ZNF776: variants seen among roughly 807,000 people sequenced by gnomAD.
ZNF776 encodes the protein zinc finger protein 776.
Under a neutral mutation model 7.0 loss-of-function variants are expected in ZNF776, and 4 were observed. The observed-to-expected ratio is 0.57, with a 90% CI of 0.28 to 1.31. ZNF776 has a LOEUF of 1.31. Ranked by LOEUF, ZNF776 falls within the 50% of genes most tolerant of loss-of-function variation. The probability of loss-of-function intolerance (pLI) is 0.10; values close to 1 mark genes in which losing one functional copy is unlikely to be tolerated. For synonymous variants in ZNF776, 212 were observed against 213.7 expected, an observed-to-expected ratio of 0.99 and a Z score of 0.07; for missense variants, 555 against 625.9, an observed-to-expected ratio of 0.89 and a Z score of 1.21.
In ZNF776 at chr19:57,754,033, T is replaced by G. The variant is rs1182328212; in HGVS notation, c.903T>G (p.Phe301Leu). Residue 301 changes from phenylalanine (F) to leucine (L), a missense_variant, in exon 3 of 3, where the codon TTT becomes TTG. Coordinates refer to ENST00000317178, the MANE Select transcript of ZNF776 (RefSeq NM_173632.4). ...AGTGTGGAGAATGTGATAAATCTTT[T>G]AGTCATAAGCACAGTCTTGTTGACC... ...PYECGECDKS[F>L]SHKHSLVDHQ... The G allele has an allele frequency of 6.2e-7, 1 of 1,614,076 alleles. No homozygotes were observed. The highest frequency in any genetic ancestry group is 8.5e-7 in the Non-Finnish European group (1 of 1,180,014).
chr19:57,751,015 C>T, intron 2 of ZNF776, 104 bp downstream of exon 2: 1 of 1,365,612 alleles, frequency 7.3e-7, no homozygotes, highest in South Asian at 1.5e-5. Flanking sequence ...AGCCTGGGCA[C>T]AGGTTCCTCT....
intron 1 of ZNF776, 116 bp downstream of exon 1, chr19:57,747,207 G>T (rs1986461575): frequency 1.7e-6 from 2 of 1,190,982 alleles, no homozygotes; most frequent in Non-Finnish European, 2.3e-6. Context: ...TCGGGACACT[G>T]AGGCGCTCTC....
At chr19:57,753,078 G>A (rs1376516332) in intron 2 of ZNF776, among the ~76,000 whole-genome samples, 2 of 152,186 alleles carry the variant, frequency 1.3e-5, no homozygotes, top group Admixed American at 1.3e-4. Context: ...TGATGTGAAG[G>A]AGCCAACAAT....
chr19:57,747,112 G>T, intron 1 of ZNF776, 21 bp downstream of exon 1: 1 of 1,582,188 alleles, frequency 6.3e-7, no homozygotes, highest in Non-Finnish European at 8.6e-7. Flanking sequence ...CGTCTTCCGT[G>T]CCCTCAGGTC....
intron 1 of ZNF776, 109 bp from the exon 2 acceptor site, chr19:57,750,676 G>A (rs1986574191): frequency 7.1e-7 from 1 of 1,401,478 alleles, no homozygotes; most frequent in Admixed American, 2.4e-5. Context: ...GACACCAGTG[G>A]GCCTAGTTTC....
In ZNF776 at chr19:57,754,318, A is replaced by G. The variant is rs754142070; in HGVS notation, c.1188A>G (p.Arg396=). 9.9e-6 allele frequency: 16 copies of G among 1,614,072 alleles called. 1 individual carries two copies. In the South Asian group the frequency reaches 1.8e-4, roughly 18 times the overall value. The part of the protein sequence containing the change: ...RSNSHLKEHQ[R]VHTGERPYEC... ...ACTCCCACCTAAAGGAACACCAGAG[A>G]GTTCACACTGGAGAAAGACCCTATG... Residue 396 remains arginine, a synonymous_variant, in exon 3 of 3, where the codon AGA becomes AGG. Transcript: ENST00000317178.
At chr19:57,747,359 G>A (rs1165024384) in intron 1 of ZNF776, among the ~76,000 whole-genome samples, 1 of 152,186 alleles carries the variant, frequency 6.6e-6, no homozygotes, top group Non-Finnish European at 1.5e-5. Context: ...GGAGCAAAGT[G>A]TGAGGCAGAG....
rs1453186205 is a variant in ZNF776 at position 57,757,352 on chromosome 19, G to A, written c.*2665G>A. 6.6e-6 allele frequency: 1 copy of A among 152,416 alleles called. No individual in the cohort carries two copies. The highest frequency in any genetic ancestry group is 2.4e-5 in the African/African-American group (1 of 41,416). The allele number at this position is 152,416 out of a possible 1,614,324, so 9.4% of individuals were successfully genotyped here. The stretch of plus-strand genomic sequence containing the variant: ...AAATCTAAAGGTTTTGTGGATTTCT[G>A]TAGCCTATCTGGGCTGCATACCAAA... On this transcript the variant is annotated 3_prime_UTR_variant, in exon 3 of 3. Coordinates refer to ENST00000317178, the MANE Select transcript of ZNF776 (RefSeq NM_173632.4).
rs1410789919 is a variant in ZNF776, at chr19:57,753,953, T to G, written c.823T>G (p.Tyr275Asp). 6.2e-7 allele frequency: 1 copy of G among 1,614,232 alleles called. No homozygotes were observed. Among genetic ancestry groups the G allele is most frequent in the Non-Finnish European group, 8.5e-7 (1 of 1,180,044 alleles). Residue 275 changes from tyrosine to aspartate, a missense_variant, in exon 3 of 3, where the codon TAT (tyrosine) becomes GAT (aspartate). By Grantham distance (160) the Tyr-to-Asp change is radical (BLOSUM62 -3). Coordinates refer to ENST00000317178, the MANE Select transcript of ZNF776 (RefSeq NM_173632.4). Reference sequence around the variant, plus strand: ...TGGACAATGTGATGAATCATTTTGGTATAAGGCCCACCTCACTGAACACCA... The same window carrying G: ...TGGACAATGTGATGAATCATTTTGGGATAAGGCCCACCTCACTGAACACCA... ...QCGQCDESFW[Y>D]KAHLTEHQRV...
chr19:57,753,933 A>C lies in ZNF776; in HGVS notation c.803A>C (p.Gln268Pro), dbSNP rs146089772. ...RTGKRPYQCGQCDESFWYKAH... is the reference protein window; with the variant it reads ...RTGKRPYQCGPCDESFWYKAH... ...GGAAAAAGACCTTATCAGTGTGGAC[A>C]ATGTGATGAATCATTTTGGTATAAG... Residue 268 changes from glutamine to proline, a missense_variant, in exon 3 of 3, where the codon CAA becomes CCA. Coordinates refer to ENST00000317178, the MANE Select transcript of ZNF776 (RefSeq NM_173632.4). The C allele has an allele frequency of 6.2e-7, 1 of 1,614,254 alleles. No homozygotes were observed. Among genetic ancestry groups the C allele is most frequent in the South Asian group, 1.1e-5 (1 of 91,088 alleles).
intron 2 of ZNF776, among the ~76,000 whole-genome samples, chr19:57,751,922 A>G (rs1389982195): frequency 2.6e-5 from 3 of 116,996 alleles, no homozygotes; most frequent in Admixed American, 1.3e-4. Context: ...ACCAGGCTGG[A>G]GTGCAGTGGC....
At chr19:57,747,708 C>A (rs1986478845) in intron 1 of ZNF776, among the ~76,000 whole-genome samples, 1 of 152,178 alleles carries the variant, frequency 6.6e-6, no homozygotes, top group Non-Finnish European at 1.5e-5. Flanking sequence ...GTAGCTTGTG[C>A]CTCTCCTCTC....
At position 57,756,780 on chromosome 19, in the gene ZNF776, A is replaced by T; in HGVS notation, c.*2093A>T. 2.4e-6 allele frequency: 1 copy of T among 422,026 alleles called. No individual in the cohort carries two copies. Among genetic ancestry groups the T allele is most frequent in the Non-Finnish European group, 4.7e-6 (1 of 211,290 alleles). 26.1% of individuals were successfully genotyped at this position (422,026 alleles called of 1,614,324 possible). ...TGTTCTCAAGTCCTACAGTGCATTC[A>T]TGTGTCCTGAAGTCCAGAATTCTGT... On this transcript the variant is annotated 3_prime_UTR_variant, in exon 3 of 3. Coordinates refer to ENST00000317178, the MANE Select transcript of ZNF776 (RefSeq NM_173632.4).
rs1333421784 is a variant in ZNF776 at position 57,747,229 on chromosome 19, G to T, written c.33+138G>T. On this transcript the variant is annotated intron_variant, in intron 1 of 2. Coordinates refer to ENST00000317178, the MANE Select transcript of ZNF776 (RefSeq NM_173632.4). ...ACTGAGGCGCTCTCTATGGGCCCCC[G>T]TTTTTGACACCCGCGGGATGCGCTC... 9 of 870,036 alleles carry T rather than the reference G, an allele frequency of 1.0e-5. No homozygotes were observed. In the African/African-American group the frequency reaches 1.5e-4, roughly 15 times the overall value. The allele number at this position is 870,036 out of a possible 1,614,324, so 53.9% of individuals were successfully genotyped here.
Position 57,750,850 on chromosome 19 carries a change from G to A in ZNF776, c.99G>A (p.Glu33=). The change falls in exon 2 of 3, where the codon GAG becomes GAA. Residue 33 remains glutamate (E), a synonymous_variant. Transcript: ENST00000317178. ...AGGAGGAATGGAGTCTCCTTAGTGA[G>A]GCTCAGAGATGCCTTTATCATGACG... ...FSQEEWSLLS[E]AQRCLYHDVM... 2 of 1,613,364 alleles carry A rather than the reference G, an allele frequency of 1.2e-6. No homozygotes were observed. Among genetic ancestry groups the A allele is most frequent in the Non-Finnish European group, 1.7e-6 (2 of 1,179,546 alleles).
rs140159780 is a variant in ZNF776 at position 57,748,983 on chromosome 19, C to T, written c.34-1802C>T. Among the ~76,000 whole-genome samples the T allele has an allele frequency of 3.1e-3, 473 of 150,320 alleles. 6 individuals are homozygous for T. The highest frequency in any genetic ancestry group is 4.8e-3 in the South Asian group (23 of 4,766). On this transcript the variant is annotated intron_variant, in intron 1 of 2. Transcript: ENST00000317178. ...AACAGGACTTTTTTTTTTTTTGAGA[C>T]GGTGTCTCACTCTGTCGCCCAGGCT...
At chr19:57,748,452 A>G (rs1986504172) in intron 1 of ZNF776, among the ~76,000 whole-genome samples, 1 of 152,180 alleles carries the variant, frequency 6.6e-6, no homozygotes, top group South Asian at 2.1e-4. Flanking sequence ...ATGGACATGC[A>G]GGTTGGGGTA....
In ZNF776 at chr19:57,747,124, C is replaced by T. The variant is rs377400565; in HGVS notation, c.33+33C>T. ...TGGCGTCTTCCGTGCCCTCAGGTCA[C>T]CTCATCTTTACCTAAGTCCAAAAGC... On this transcript the variant is annotated intron_variant, in intron 1 of 2. Coordinates refer to ENST00000317178, the MANE Select transcript of ZNF776 (RefSeq NM_173632.4). The T allele has an allele frequency of 1.1e-4, 174 of 1,572,852 alleles. No homozygotes were observed. The African/African-American group carries it at 2.0e-3, about 18-fold the overall frequency.
intron 2 of ZNF776, among the ~76,000 whole-genome samples, chr19:57,751,815 A>G (rs1986610381): frequency 6.7e-6 from 1 of 149,604 alleles, no homozygotes; most frequent in Non-Finnish European, 1.5e-5. Flanking sequence ...CTGGGACTAC[A>G]GGAGCATGCC....
Sources: allele counts gnomAD v4.1 joint callset (sites outside exome capture counted in the v4.1 genomes callset), GRCh38; gene constraint gnomAD v4.1.1; transcripts MANE v1.5; gene names NCBI Gene and HGNC (gene_info 2026-07-23, HGNC 2026-07-21).